The following MICAL3 variants were observed in gnomAD, a reference collection of about 807,000 sequenced individuals.
MICAL3 encodes [F-actin]-monooxygenase MICAL3.
A neutral mutation model predicts 207.4 loss-of-function variants in MICAL3; 62 were observed. That is an observed-to-expected ratio of 0.30 (90% CI 0.24 to 0.37). MICAL3 has a LOEUF of 0.37. MICAL3 is among the 10% of genes least tolerant of loss of function. The pLI is 1.00. For missense variants in MICAL3, 2,368 were observed against 2,635.6 expected (o/e 0.90, Z 2.22); for synonymous variants, 1,077 against 1,069.3 (o/e 1.01, Z -0.14).
intron 1 of MICAL3, among the ~76,000 whole-genome samples, chr22:17,957,748 G>GAC (rs1934700598): frequency 6.7e-6 from 1 of 150,146 alleles, no homozygotes; most frequent in Non-Finnish European, 1.5e-5. Flanking sequence ...GAAAACGAGA[G>GAC]AGAGAGAGAG....
chr22:17,836,044 T>C (rs189105277), intron 20 of MICAL3, among the ~76,000 whole-genome samples: 1 of 152,342 alleles, frequency 6.6e-6, no homozygotes, highest in Non-Finnish European at 1.5e-5. Context: ...AATCCCTCCT[T>C]GTCTCAGTTT....
chr22:17,873,632 G>C (rs1001127610), intron 16 of MICAL3, among the ~76,000 whole-genome samples: 3 of 152,222 alleles, frequency 2.0e-5, no homozygotes, highest in African/African-American at 7.2e-5. Context: ...ATGTGTTCTA[G>C]GCCAGGAGGG....
At chr22:17,928,001 C>G (rs1602233858) in intron 1 of MICAL3, among the ~76,000 whole-genome samples, 1 of 152,180 alleles carries the variant, frequency 6.6e-6, no homozygotes, top group African/African-American at 2.4e-5. Context: ...GGTTTGGCTT[C>G]TGACTGTATA....
At chr22:17,884,461 A>G in intron 16 of MICAL3, 2 of 840,702 alleles carry the variant, frequency 2.4e-6, no homozygotes, top group East Asian at 6.1e-5. Context: ...CACAGGCGAC[A>G]GCCCCATATC....
At chr22:17,977,389 A>G (rs143241401) in intron 1 of MICAL3, among the ~76,000 whole-genome samples, 2 of 152,318 alleles carry the variant, frequency 1.3e-5, no homozygotes, top group East Asian at 1.9e-4. Flanking sequence ...ATTTGGACAG[A>G]TATTTATCTA....
chr22:18,009,848 A>G (rs1194857762), intron 1 of MICAL3, among the ~76,000 whole-genome samples: 8 of 76,844 alleles, frequency 1.0e-4, no homozygotes, highest in Non-Finnish European at 1.8e-4. Flanking sequence ...TTGTCTGGGT[A>G]ACAGAGTGGG....
At chr22:17,971,923 C>T (rs1024490213) in intron 1 of MICAL3, among the ~76,000 whole-genome samples, 4 of 152,202 alleles carry the variant, frequency 2.6e-5, no homozygotes, top group East Asian at 3.9e-4. Flanking sequence ...CCAGGACCAC[C>T]GGCCAGTGGG....
At position 17,793,212 on chromosome 22, in the gene MICAL3, G is replaced by A. The variant is rs965615392; in HGVS notation, c.5651-1911C>T. ...CCACACCCCCCACATGCCTTTCAAC[G>A]ACAATCTTATCACCACAACAGACTT... On this transcript the variant is annotated intron_variant, in intron 29 of 31. Transcript: ENST00000441493. The surrounding 1 kb of genome is among the most constrained non-coding windows in gnomAD (Gnocchi z 4.1). Among the ~76,000 whole-genome samples, 2 of 152,238 alleles carry A rather than the reference G, an allele frequency of 1.3e-5. No homozygotes were observed. The highest frequency in any genetic ancestry group is 3.9e-4 in the East Asian group (2 of 5,160).
chr22:18,015,267 T>C (rs1923980782), intron 1 of MICAL3, among the ~76,000 whole-genome samples: 1 of 152,166 alleles, frequency 6.6e-6, no homozygotes, highest in African/African-American at 2.4e-5. Context: ...ATAAAAAACA[T>C]TCTACTTTGT....
At chr22:17,997,858 G>A (rs1379659073) in intron 1 of MICAL3, among the ~76,000 whole-genome samples, 1 of 151,380 alleles carries the variant, frequency 6.6e-6, no homozygotes, top group Non-Finnish European at 1.5e-5. Context: ...CTCAATAAAT[G>A]TTAACTATCA....
chr22:17,860,828 A>G, intron 19 of MICAL3: 1 of 985,336 alleles, frequency 1.0e-6, no homozygotes, highest in Non-Finnish European at 1.2e-6. Context: ...TGCATCCCCA[A>G]AGCCCTGACC....
rs1933038846 is a variant in MICAL3, at chr22:17,928,445, A to C, written c.-74-21559T>G. ...AACAGCAAGACTCCGTCTCAAAAAA[A>C]AAGAAAGAAAGAAAGAAAGAAAGAA... On this transcript the variant is annotated intron_variant, in intron 1 of 31. Transcript: ENST00000441493. 2.1e-5 allele frequency among the ~76,000 whole-genome samples: 3 copies of C among 145,456 alleles called. 1 individual carries two copies. The highest frequency in any genetic ancestry group is 4.2e-4 in the South Asian group (2 of 4,722).
intron 1 of MICAL3, among the ~76,000 whole-genome samples, chr22:17,972,470 G>A (rs192424729): frequency 5.4e-4 from 83 of 152,306 alleles, no homozygotes; most frequent in African/African-American, 1.8e-3. Context: ...ACGGACGTAC[G>A]GGAGTAGGGA....
chr22:17,893,145 G>C (rs1053619631), intron 11 of MICAL3, among the ~76,000 whole-genome samples: 3 of 152,116 alleles, frequency 2.0e-5, no homozygotes, highest in African/African-American at 7.2e-5. Context: ...CTGGCCCAAA[G>C]TCTGAGGTCT....
At chr22:17,962,522 G>A (rs7285566) in intron 1 of MICAL3, among the ~76,000 whole-genome samples, 25,116 of 152,154 alleles carry the variant, frequency 0.17, 2,430 homozygotes, top group Middle Eastern at 0.26. Flanking sequence ...CAGGAGGGTA[G>A]CATCAAGGAA....
chr22:17,970,114 A>T lies in MICAL3; in HGVS notation c.-75+54167T>A, dbSNP rs528633356. Among the ~76,000 whole-genome samples, 9 of 152,294 alleles carry T rather than the reference A, an allele frequency of 5.9e-5. No individual in the cohort carries two copies. The East Asian group carries it at 1.5e-3, about 26-fold the overall frequency. On this transcript the variant is annotated intron_variant, in intron 1 of 31. Coordinates refer to ENST00000441493, the MANE Select transcript of MICAL3 (RefSeq NM_015241.3). ...TAGCAGGCTCTGTGCCACTGTCCCC[A>T]GAGAAGTCTCCCTGAGTGGGGTCTG...
chr22:17,845,903 C>T (rs1924585820), intron 19 of MICAL3, among the ~76,000 whole-genome samples: 1 of 152,234 alleles, frequency 6.6e-6, no homozygotes, highest in Admixed American at 6.5e-5. Context: ...GACACTCAGT[C>T]TTCCCACTGT....
At chr22:17,832,718 C>T (rs957854056) in intron 20 of MICAL3, among the ~76,000 whole-genome samples, 8 of 152,112 alleles carry the variant, frequency 5.3e-5, no homozygotes, top group African/African-American at 1.7e-4. Flanking sequence ...TGTCAGAAGC[C>T]TCTCAGGAGA....
At chr22:17,983,345 G>T (rs5992946) in intron 1 of MICAL3, 26,206 of 151,734 alleles carry the variant, frequency 0.17, 2,606 homozygotes, top group Non-Finnish European at 0.23. Flanking sequence ...TAACAACCAA[G>T]GGTCTTAATT....
Sources: allele counts gnomAD v4.1 joint callset (sites outside exome capture counted in the v4.1 genomes callset), GRCh38; gene constraint gnomAD v4.1.1; non-coding constraint Gnocchi (gnomAD v3.1); transcripts MANE v1.5; gene names NCBI Gene and HGNC (gene_info 2026-07-23, HGNC 2026-07-21).